EPS8L3: variants seen among roughly 807,000 people sequenced by gnomAD.
The protein encoded by EPS8L3 is EPS8 signaling adaptor L3, also known as epidermal growth factor receptor kinase substrate 8-like protein 3.
In EPS8L3, 80 loss-of-function variants were observed where a neutral mutation model predicts 88.5. That is an observed-to-expected ratio of 0.90 (90% CI 0.75 to 1.09). The LOEUF (loss-of-function observed/expected upper bound fraction) is 1.09, where lower values mean the gene tolerates loss of function less well. Among genes scored for constraint, EPS8L3 ranks in the 50% least tolerant of loss-of-function variants. The pLI is 0.00. For synonymous variants in EPS8L3, 286 were observed against 291.0 expected (o/e 0.98, Z 0.18); for missense variants, 721 against 735.2 (o/e 0.98, Z 0.22).
chr1:109,757,940 T>G lies in EPS8L3; in HGVS notation c.832+4A>C, dbSNP rs1451486663. 6.2e-7 allele frequency: 1 copy of G among 1,614,032 alleles called. No homozygotes were observed. Among genetic ancestry groups the G allele is most frequent in the Non-Finnish European group, 8.5e-7 (1 of 1,179,876 alleles). On this transcript the variant is annotated splice_donor_region_variant and intron_variant, in intron 9 of 18. Coordinates refer to ENST00000361965, the MANE Select transcript of EPS8L3 (RefSeq NM_133181.4). ...ACTCCTCTTCCCTGGCCCTCAGTACTCACCTCCCTGGTCCTTGTTTTTTTT... is the reference window on the plus strand; with the variant it reads ...ACTCCTCTTCCCTGGCCCTCAGTACGCACCTCCCTGGTCCTTGTTTTTTTT...
chr1:109,757,289 C>T (rs936351048), intron 11 of EPS8L3, 124 bp from the exon 12 acceptor site: 8 of 1,261,604 alleles, frequency 6.3e-6, no homozygotes, highest in Non-Finnish European at 8.7e-6. Flanking sequence ...CTGCAAGGGG[C>T]CCCATCTGCC....
At chr1:109,751,422 G>A in intron 16 of EPS8L3, 71 bp from the exon 17 acceptor site, 4 of 1,500,708 alleles carry the variant, frequency 2.7e-6, no homozygotes, top group Non-Finnish European at 3.7e-6. Flanking sequence ...TAACATCTGG[G>A]TCCCTTCTCC....
intron 6 of EPS8L3, 106 bp downstream of exon 6, chr1:109,758,956 T>G: frequency 2.4e-6 from 3 of 1,227,782 alleles, no homozygotes; most frequent in Non-Finnish European, 3.5e-6. Flanking sequence ...CAGGCCCAGG[T>G]TGGTTGGGCC....
At position 109,753,120 on chromosome 1, in the gene EPS8L3, G is replaced by T; in HGVS notation, c.1197C>A (p.Ser399Arg). Residue 399 changes from serine to arginine, a missense_variant, in exon 13 of 19, where the codon AGC (serine) becomes AGA (arginine). Transcript: ENST00000361965. ...CTCTATGCCAAGCTCCCCTTACTTG[G>T]CTGGAGGGCTCTGGAAGTTGCCAGT... ...SDDWQLPEPS[S>R]QAPLGYQDPV... 1.9e-6 allele frequency: 3 copies of T among 1,613,242 alleles called. No individual in the cohort carries two copies. The highest frequency in any genetic ancestry group is 2.5e-6 in the Non-Finnish European group (3 of 1,179,432).
intron 12 of EPS8L3, 97 bp from the exon 13 acceptor site, chr1:109,753,295 C>T (rs1029035221): frequency 6.0e-6 from 6 of 1,001,730 alleles, no homozygotes; most frequent in Non-Finnish European, 8.8e-6. Context: ...GGCCTAGCCT[C>T]AGGAATCTTT....
chr1:109,757,807 G>A lies in EPS8L3; in HGVS notation c.889C>T (p.Leu297Phe). ...ACTTGTGGGGAGCCACCTACCAGGA[G>A]GTTGAAGCTGTGCTTGATCTTCTGG... ...CFQKIKHSFN[L>F]LGRLATWLKE... The change falls in exon 10 of 19, where the codon CTC (leucine) becomes TTC (phenylalanine). Residue 297 changes from leucine (L) to phenylalanine (F), a missense_variant. By Grantham distance (22) the Leu-to-Phe change is conservative. Coordinates refer to ENST00000361965, the MANE Select transcript of EPS8L3 (RefSeq NM_133181.4). The A allele has an allele frequency of 1.2e-6, 2 of 1,614,078 alleles. No homozygotes were observed. Among genetic ancestry groups the A allele is most frequent in the Non-Finnish European group, 1.7e-6 (2 of 1,179,930 alleles).
At chr1:109,750,939 G>T in intron 17 of EPS8L3, 147 bp from the exon 18 acceptor site, 1 of 949,718 alleles carries the variant, frequency 1.1e-6, no homozygotes, top group Non-Finnish European at 1.6e-6. Flanking sequence ...AAGGAGTAAA[G>T]TCAGCATTTG....
chr1:109,761,560 C>T lies in EPS8L3; in HGVS notation c.32-1G>A, dbSNP rs1650950136. The T allele has an allele frequency of 6.2e-7, 1 of 1,613,550 alleles. No individual in the cohort carries two copies. Among genetic ancestry groups the T allele is most frequent in the Admixed American group, 1.7e-5 (1 of 59,958 alleles). On this transcript the variant is annotated splice_acceptor_variant, in intron 2 of 18. Coordinates refer to ENST00000361965, the MANE Select transcript of EPS8L3 (RefSeq NM_133181.4). LOFTEE classifies it high-confidence loss of function. The stretch of plus-strand genomic sequence containing the variant: ...TTCTGGGAGTACTCCTTCCGGTGCA[C>T]TACAAGGGCACAGAGCAAGGGGCGG...
rs1169326038 is a variant in EPS8L3, at chr1:109,759,356, A to G, written c.287T>C (p.Ile96Thr). ...GTTGAGCGCCACATTCATGGCCTGG[A>G]TGCTGTCTAGGCGGTAAGAGTCCAG... ...EELDSYRLDSIQAMNVALNTC... is the reference protein window; with the variant it reads ...EELDSYRLDSTQAMNVALNTC... Residue 96 changes from isoleucine to threonine, a missense_variant, in exon 5 of 19, where the codon ATC (isoleucine) becomes ACC (threonine). Physicochemically the swap from Ile to Thr is moderately conservative, Grantham distance 89. Transcript: ENST00000361965. The surrounding 1 kb of genome is among the most constrained non-coding windows in gnomAD (Gnocchi z 4.2). 6.2e-7 allele frequency: 1 copy of G among 1,613,930 alleles called. No individual in the cohort carries two copies. The highest frequency in any genetic ancestry group is 8.5e-7 in the Non-Finnish European group (1 of 1,180,016).
intron 12 of EPS8L3, among the ~76,000 whole-genome samples, chr1:109,753,948 T>A (rs1650045699): frequency 6.6e-6 from 1 of 152,226 alleles, no homozygotes; most frequent in Non-Finnish European, 1.5e-5. Context: ...TTTCTTACTA[T>A]ATATAGATTT....
At chr1:109,761,391 G>A in intron 3 of EPS8L3, 104 bp downstream of exon 3, 15 of 1,011,734 alleles carry the variant, frequency 1.5e-5, no homozygotes, top group Non-Finnish European at 2.2e-5. Context: ...GTTGGCTTCT[G>A]GGGCAGGGAC....
chr1:109,750,375 G>A lies in EPS8L3; in HGVS notation c.*16C>T, dbSNP rs752714187. ...CATCAGCGGGGCCTGGTTCTTGGAG[G>A]TGTCTAAGCTGGTGCCTAAGGGCTT... On this transcript the variant is annotated 3_prime_UTR_variant, in exon 19 of 19. Transcript: ENST00000361965. 6.2e-7 allele frequency: 1 copy of A among 1,613,710 alleles called. No individual in the cohort carries two copies. The highest frequency in any genetic ancestry group is 8.5e-7 in the Non-Finnish European group (1 of 1,179,862).
chr1:109,752,588 C>T, intron 14 of EPS8L3, 98 bp downstream of exon 14: 1 of 1,151,950 alleles, frequency 8.7e-7, no homozygotes, highest in Non-Finnish European at 1.3e-6. Context: ...AAGAGACCCT[C>T]TTGGCTCTCT....
At position 109,751,736 on chromosome 1, in the gene EPS8L3, C is replaced by T; in HGVS notation, c.1481G>A (p.Gly494Glu). Residue 494 changes from glycine (G) to glutamate (E), a missense_variant, in exon 16 of 19, where the codon GGA (glycine) becomes GAA (glutamate). Gly to Glu is a moderately conservative substitution (Grantham distance 98). Coordinates refer to ENST00000361965, the MANE Select transcript of EPS8L3 (RefSeq NM_133181.4). The part of the protein sequence containing the change: ...KRWWLVKNEA[G>E]RSGYIPSNIL... ...GTTGCTTGGAATGTAGCCGCTCCGT[C>T]CCGCCTCATTCTTCACCAGCCACCA... 1 of 1,613,854 alleles carries T rather than the reference C, an allele frequency of 6.2e-7. No homozygotes were observed. Among genetic ancestry groups the T allele is most frequent in the Non-Finnish European group, 8.5e-7 (1 of 1,180,004 alleles).
chr1:109,754,832 T>C (rs1650133250), intron 12 of EPS8L3, among the ~76,000 whole-genome samples: 1 of 152,198 alleles, frequency 6.6e-6, no homozygotes, highest in South Asian at 2.1e-4. Flanking sequence ...AGCACAGCCC[T>C]AGGAACTGTG....
At position 109,752,002 on chromosome 1, in the gene EPS8L3, TTC is replaced by T; in HGVS notation, c.1425_1426del (p.Lys476AlafsTer16). ...CTATGGCCCAAGCCTCACCTCCAGC[TTC>T]TCTCCCTGGACCACAGTCAGTTCCC... On this transcript the variant is annotated frameshift_variant, in exon 15 of 19. Coordinates refer to ENST00000361965, the MANE Select transcript of EPS8L3 (RefSeq NM_133181.4). LOFTEE classifies it high-confidence loss of function. 6.2e-7 allele frequency: 1 copy of T among 1,605,414 alleles called. No individual in the cohort carries two copies. The highest frequency in any genetic ancestry group is 8.5e-7 in the Non-Finnish European group (1 of 1,175,072).
At chr1:109,750,491 A>T in intron 18 of EPS8L3, 89 bp from the exon 19 acceptor site, 1 of 1,590,406 alleles carries the variant, frequency 6.3e-7, no homozygotes, top group Non-Finnish European at 8.6e-7. Flanking sequence ...GCCTCAAGGT[A>T]AGCCTGAATG....
At chr1:109,762,600 GT>G (rs1186695436) in intron 1 of EPS8L3, among the ~76,000 whole-genome samples, 1 of 150,720 alleles carries the variant, frequency 6.6e-6, no homozygotes, top group Non-Finnish European at 1.5e-5. Flanking sequence ...CATCCTATCA[GT>G]TTCTCCTCAC....
Position 109,761,532 on chromosome 1 carries a change from A to G in EPS8L3, c.59T>C (p.Leu20Pro), listed in dbSNP as rs374606751. The change falls in exon 3 of 19, where the codon CTC (leucine) becomes CCC (proline). Residue 20 changes from leucine (L) to proline (P), a missense_variant. Transcript: ENST00000361965. ...YLHRKEYSQN[L>P]TSEPTLLQHR... ...CTGCAGGAGGGTGGGCTCTGAGGTG[A>G]GGTTCTGGGAGTACTCCTTCCGGTG... is the stretch of plus-strand genomic sequence containing the variant. The G allele has an allele frequency of 9.3e-6, 15 of 1,613,368 alleles. No homozygotes were observed. The highest frequency in any genetic ancestry group is 1.1e-5 in the Non-Finnish European group (13 of 1,179,668).
Sources: gnomAD v4.1 joint callset for allele counts (sites outside exome capture counted in the v4.1 genomes callset) on GRCh38, gnomAD v4.1.1 for gene constraint, Gnocchi (gnomAD v3.1) non-coding constraint, MANE v1.5 for transcripts, NCBI Gene and HGNC (gene_info 2026-07-23, HGNC 2026-07-21) for gene names.